The following HORMAD2 variants were observed in gnomAD, a reference collection of about 807,000 sequenced individuals.
HORMAD2 encodes HORMA domain containing 2.
Under a neutral mutation model 38.8 loss-of-function variants are expected in HORMAD2, and 45 were observed. The observed-to-expected ratio is 1.16, with a 90% CI of 0.91 to 1.49. The LOEUF (loss-of-function observed/expected upper bound fraction) is 1.49, where lower values mean the gene tolerates loss of function less well. Ranked by LOEUF, HORMAD2 falls within the 40% of genes most tolerant of loss-of-function variation. The pLI, the probability that HORMAD2 is intolerant of heterozygous loss-of-function variation, is 0.00. For missense variants in HORMAD2, 338 were observed against 367.0 expected, an observed-to-expected ratio of 0.92 and a Z score of 0.65; for synonymous variants, 126 against 122.8, an observed-to-expected ratio of 1.03 and a Z score of -0.17.
At chr22:30,121,070 T>C (rs1922392858) in intron 8 of HORMAD2, among the ~76,000 whole-genome samples, 2 of 152,154 alleles carry the variant, frequency 1.3e-5, no homozygotes, top group South Asian at 2.1e-4. Context: ...AGCGGTGATA[T>C]GGAGAATATT....
upstream of HORMAD2, among the ~76,000 whole-genome samples, chr22:30,079,114 A>G (rs1395539876): frequency 6.6e-6 from 1 of 152,144 alleles, no homozygotes; most frequent in Non-Finnish European, 1.5e-5. Flanking sequence ...GCCAACTTGA[A>G]TAGTTTTTTT....
intron 10 of HORMAD2, among the ~76,000 whole-genome samples, chr22:30,131,239 CACAG>C (rs1417972874): frequency 2.0e-5 from 3 of 152,170 alleles, no homozygotes; most frequent in Non-Finnish European, 4.4e-5. Context: ...TAATTACTTA[CACAG>C]ACAGTGATAA....
chr22:30,087,103 C>T (rs1384339313), intron 1 of HORMAD2, among the ~76,000 whole-genome samples: 3 of 152,110 alleles, frequency 2.0e-5, no homozygotes, highest in Non-Finnish European at 4.4e-5. Flanking sequence ...TCAGGTGATC[C>T]GCCCACCTCA....
At chr22:30,135,475 G>A (rs1923588272) in intron 10 of HORMAD2, among the ~76,000 whole-genome samples, 1 of 151,948 alleles carries the variant, frequency 6.6e-6, no homozygotes, top group South Asian at 2.1e-4. Flanking sequence ...GAGGCAGTTG[G>A]AAACAGAATA....
downstream of HORMAD2, among the ~76,000 whole-genome samples, chr22:30,179,290 A>G (rs1926606381): frequency 6.6e-6 from 1 of 152,194 alleles, no homozygotes; most frequent in Admixed American, 6.5e-5. Context: ...GTCTGCTACA[A>G]TGTAGGATTC....
intron 1 of HORMAD2, among the ~76,000 whole-genome samples, chr22:30,082,805 AAAAAGAAAAG>A (rs1555936221): frequency 7.2e-5 from 11 of 151,730 alleles, no homozygotes; most frequent in African/African-American, 1.7e-4. Flanking sequence ...CAAAAAAAAA[AAAAAGAAAAG>A]AAAAGAAAAG....
At chr22:30,165,056 T>C (rs1925694997) in intron 10 of HORMAD2, among the ~76,000 whole-genome samples, 1 of 152,200 alleles carries the variant, frequency 6.6e-6, no homozygotes, top group South Asian at 2.1e-4. Context: ...GTTTTCTTGT[T>C]TTGGCTCTTA....
chr22:30,108,686 T>C (rs186159887), intron 5 of HORMAD2, among the ~76,000 whole-genome samples: 1 of 152,334 alleles, frequency 6.6e-6, no homozygotes, highest in African/African-American at 2.4e-5. Flanking sequence ...TAGCTATCTT[T>C]GCTATTTTTT....
At chr22:30,175,928 C>T in intron 10 of HORMAD2, 135 bp from the exon 11 acceptor site, 2 of 605,158 alleles carry the variant, frequency 3.3e-6, no homozygotes, top group Non-Finnish European at 5.8e-6. Context: ...CAGGGCCAAA[C>T]CAGCCCACAG....
Position 30,080,469 on chromosome 22 carries a change from G to A in HORMAD2, c.-60G>A, listed in dbSNP as rs1028416970. ...GGAAAAGGCCGTTGACCCCCGGTGG[G>A]AGGGAAGCGTCGACGAGCTGAGGTG... is the stretch of plus-strand genomic sequence containing the variant. On this transcript the variant is annotated 5_prime_UTR_variant, in exon 1 of 11. Coordinates refer to ENST00000336726, the MANE Select transcript of HORMAD2 (RefSeq NM_152510.4). 1.3e-5 allele frequency: 2 copies of A among 152,396 alleles called. No homozygotes were observed. The highest frequency in any genetic ancestry group is 2.9e-5 in the Non-Finnish European group (2 of 68,076). The allele number at this position is 152,396 out of a possible 1,614,324, so 9.4% of individuals were successfully genotyped here. A position where few individuals can be genotyped will look rare whatever the true frequency, so the allele number is the denominator to read the frequency against.
Position 30,098,962 on chromosome 22 carries a change from A to C in HORMAD2, c.162A>C (p.Pro54=), listed in dbSNP as rs1458428442. The change falls in exon 3 of 11, where the codon CCA becomes CCC. Residue 54 remains proline (P), a synonymous_variant. Transcript: ENST00000336726. The part of the protein sequence containing the change: ...SCITYLRGLF[P]ESSYGERHLD... ...TAACATACCTAAGGGGCCTGTTTCC[A>C]GAGAGCTCTTATGGAGAACGCCATT... The C allele has an allele frequency of 2.5e-6, 4 of 1,612,832 alleles. No individual in the cohort carries two copies. The Admixed American group carries it at 6.7e-5, about 27-fold the overall frequency.
intron 10 of HORMAD2, among the ~76,000 whole-genome samples, chr22:30,174,908 G>A (rs959895404): frequency 2.0e-5 from 3 of 152,030 alleles, no homozygotes; most frequent in Non-Finnish European, 4.4e-5. Context: ...TTGAGGGGCT[G>A]CTCTATATCT....
At chr22:30,184,266 A>G in the HORMAD2 span, among the ~76,000 whole-genome samples, 1 of 152,232 alleles carries the variant, frequency 6.6e-6, no homozygotes, top group Non-Finnish European at 1.5e-5. Context: ...TCCCAGCATA[A>G]TGAAATGACT....
chr22:30,083,498 CT>C (rs1267027424), intron 1 of HORMAD2, among the ~76,000 whole-genome samples: 3 of 152,128 alleles, frequency 2.0e-5, no homozygotes, highest in Admixed American at 6.5e-5. Flanking sequence ...AGAGTCATAC[CT>C]CCTGTGAACT....
At chr22:30,121,108 GA>G (rs1275476165) in intron 8 of HORMAD2, among the ~76,000 whole-genome samples, 5 of 152,184 alleles carry the variant, frequency 3.3e-5, no homozygotes, top group Non-Finnish European at 5.9e-5. Flanking sequence ...AGGAAAGCAG[GA>G]AAAATAGTTA....
At chr22:30,087,536 A>G (rs1569078928) in intron 1 of HORMAD2, among the ~76,000 whole-genome samples, 1 of 152,168 alleles carries the variant, frequency 6.6e-6, no homozygotes, top group Non-Finnish European at 1.5e-5. Flanking sequence ...CTATAAAGAA[A>G]TTTCTGAGAC....
intron 7 of HORMAD2, among the ~76,000 whole-genome samples, chr22:30,118,726 T>TG (rs1448925525): frequency 6.6e-6 from 1 of 152,316 alleles, no homozygotes; most frequent in Non-Finnish European, 1.5e-5. Context: ...TTTGACTCTG[T>TG]GATTTTGTTT....
At chr22:30,145,030 G>C (rs184834156) in intron 10 of HORMAD2, among the ~76,000 whole-genome samples, 13 of 152,280 alleles carry the variant, frequency 8.5e-5, no homozygotes, top group Non-Finnish European at 1.2e-4. Flanking sequence ...AATGGTCTTG[G>C]TTCAAATACC....
chr22:30,112,464 A>C lies in HORMAD2; in HGVS notation c.316-32A>C, dbSNP rs753235472. ...TGAGGAGTAATCTAGTAAATTCCAGAAATTAAATGATGTTTATTTTCCCTT... is the reference window on the plus strand; with the variant it reads ...TGAGGAGTAATCTAGTAAATTCCAGCAATTAAATGATGTTTATTTTCCCTT... On this transcript the variant is annotated intron_variant, in intron 6 of 10. Coordinates refer to ENST00000336726, the MANE Select transcript of HORMAD2 (RefSeq NM_152510.4). 3 of 1,246,890 alleles carry C rather than the reference A, an allele frequency of 2.4e-6. No homozygotes were observed. The South Asian group carries it at 4.2e-5, about 17-fold the overall frequency. The allele number at this position is 1,246,890 out of a possible 1,614,324, so 77.2% of individuals were successfully genotyped here. A position where few individuals can be genotyped will look rare whatever the true frequency, so the allele number is the denominator to read the frequency against.
Sources: allele counts gnomAD v4.1 joint callset (sites outside exome capture counted in the v4.1 genomes callset), GRCh38; gene constraint gnomAD v4.1.1; transcripts MANE v1.5; gene names NCBI Gene and HGNC (gene_info 2026-07-23, HGNC 2026-07-21).